EVC2: variants seen among roughly 807,000 people sequenced by gnomAD.
EVC2 encodes the protein limbin.
EVC2 carries 148 observed loss-of-function variants against 149.3 expected under a neutral mutation model. That is an observed-to-expected ratio of 0.99 (90% CI 0.87 to 1.14). The LOEUF (loss-of-function observed/expected upper bound fraction) is 1.14. EVC2 is among the 50% of genes most tolerant of loss of function. The probability of loss-of-function intolerance (pLI) is 0.00; values close to 1 mark genes in which losing one functional copy is unlikely to be tolerated. For synonymous variants in EVC2, 776 were observed against 649.9 expected, an observed-to-expected ratio of 1.19 and a Z score of -2.95; for missense variants, 1,854 against 1,627.3, an observed-to-expected ratio of 1.14 and a Z score of -2.40.
intron 19 of EVC2, among the ~76,000 whole-genome samples, chr4:5,572,446 G>T (rs1722695541): frequency 6.6e-6 from 1 of 152,162 alleles, no homozygotes; most frequent in Non-Finnish European, 1.5e-5. Flanking sequence ...CAGGGAACTA[G>T]CTTAGCCCTT....
chr4:5,598,652 G>C (rs1430063318), intron 16 of EVC2, among the ~76,000 whole-genome samples: 1 of 152,200 alleles, frequency 6.6e-6, no homozygotes, highest in East Asian at 1.9e-4. Flanking sequence ...TCAGGACATA[G>C]GCATGGGCAA....
intron 1 of EVC2, among the ~76,000 whole-genome samples, chr4:5,705,570 CTG>C (rs141227806): frequency 0.034 from 5,189 of 151,806 alleles, 274 homozygotes; most frequent in African/African-American, 0.12. Context: ...TAAACTAAAA[CTG>C]TTTTATTTTC....
At chr4:5,673,589 C>T (rs760417500) in intron 7 of EVC2, among the ~76,000 whole-genome samples, 1 of 152,146 alleles carries the variant, frequency 6.6e-6, no homozygotes, top group African/African-American at 2.4e-5. Context: ...TCCTCACTTT[C>T]CTTCTTGTCT....
At chr4:5,655,570 G>T (rs1280397362) in intron 9 of EVC2, among the ~76,000 whole-genome samples, 1 of 152,126 alleles carries the variant, frequency 6.6e-6, no homozygotes, top group East Asian at 1.9e-4. Flanking sequence ...CAGACATGCT[G>T]GTTGAGGTTC....
At chr4:5,597,110 G>T (rs1713502404) in intron 16 of EVC2, among the ~76,000 whole-genome samples, 1 of 152,188 alleles carries the variant, frequency 6.6e-6, no homozygotes. Flanking sequence ...GGACCAGACG[G>T]ATTCACAGCC....
chr4:5,682,018 T>A (rs1415041150), intron 6 of EVC2, among the ~76,000 whole-genome samples: 3 of 152,196 alleles, frequency 2.0e-5, no homozygotes, highest in Non-Finnish European at 4.4e-5. Flanking sequence ...AGCCTCTCTG[T>A]GCCTCTGTTT....
At chr4:5,533,362 C>T in the EVC2 span, among the ~76,000 whole-genome samples, 1 of 152,182 alleles carries the variant, frequency 6.6e-6, no homozygotes, top group Non-Finnish European at 1.5e-5. Context: ...ACAGTCCTGG[C>T]TGCTCAAGGA....
rs1720754820 is a variant in EVC2 at position 5,686,907 on chromosome 4, T to C, written c.707-1428A>G. ...TGCCCTCAGGGAATGTAGAGCCCAG[T>C]AGGTAGAGCTAAGCATGGGCATAAA... On this transcript the variant is annotated intron_variant, in intron 5 of 21. Transcript: ENST00000344408. This position sits in a 1 kb window ranked among gnomAD's most constrained non-coding sequence, Gnocchi z 5.4. 1.3e-5 allele frequency among the ~76,000 whole-genome samples: 2 copies of C among 151,910 alleles called. No individual in the cohort carries two copies. The highest frequency in any genetic ancestry group is 4.2e-4 in the South Asian group (2 of 4,810).
intron 21 of EVC2, among the ~76,000 whole-genome samples, chr4:5,552,384 G>A (rs185100443): frequency 6.6e-6 from 1 of 152,198 alleles, no homozygotes; most frequent in East Asian, 1.9e-4. Context: ...TTCCTTCCTG[G>A]TGTACCTTTT....
intron 12 of EVC2, among the ~76,000 whole-genome samples, chr4:5,626,424 C>T (rs1716121209): frequency 6.6e-6 from 1 of 151,480 alleles, no homozygotes; most frequent in African/African-American, 2.4e-5. Context: ...ACCTCCGCCC[C>T]TCCAACTTTA....
At chr4:5,634,266 G>T (rs1716747457) in intron 10 of EVC2, among the ~76,000 whole-genome samples, 2 of 152,194 alleles carry the variant, frequency 1.3e-5, no homozygotes, top group African/African-American at 4.8e-5. Context: ...GGTATTCACA[G>T]CTGACTTGAT....
intron 15 of EVC2, among the ~76,000 whole-genome samples, chr4:5,617,326 C>G (rs750089420): frequency 6.6e-6 from 1 of 152,156 alleles, no homozygotes; most frequent in Non-Finnish European, 1.5e-5. Context: ...ACCATATTAC[C>G]TCTTAGCACT....
At chr4:5,645,457 T>C (rs1560191808) in intron 9 of EVC2, among the ~76,000 whole-genome samples, 1 of 152,182 alleles carries the variant, frequency 6.6e-6, no homozygotes, top group Non-Finnish European at 1.5e-5. Flanking sequence ...TTCCCCTCCA[T>C]GTGTACATGT....
At chr4:5,687,458 G>A (rs771941038) in intron 5 of EVC2, among the ~76,000 whole-genome samples, 2 of 152,068 alleles carry the variant, frequency 1.3e-5, no homozygotes, top group Non-Finnish European at 2.9e-5. Flanking sequence ...CAGTGTGCAC[G>A]TGCTAGAGCA....
downstream of EVC2, among the ~76,000 whole-genome samples, chr4:5,542,003 G>A (rs562428435): frequency 3.3e-5 from 5 of 152,308 alleles, no homozygotes; most frequent in East Asian, 7.8e-4. Context: ...GTTAGATCAT[G>A]AGGTTTGGCC....
At chr4:5,692,894 A>AAAAG (rs1560231753) in intron 3 of EVC2, among the ~76,000 whole-genome samples, 3 of 144,164 alleles carry the variant, frequency 2.1e-5, no homozygotes, top group Non-Finnish European at 1.5e-5. Flanking sequence ...AAAAAAAGAA[A>AAAAG]AAAGAAAATT....
chr4:5,563,683 T>C (rs1722091495), intron 21 of EVC2, among the ~76,000 whole-genome samples: 1 of 151,970 alleles, frequency 6.6e-6, no homozygotes, highest in African/African-American at 2.4e-5. Context: ...ATGTTGTTAG[T>C]GTGACATCAG....
At chr4:5,574,888 T>G in intron 18 of EVC2, 116 bp from the exon 19 acceptor site, 1 of 1,087,184 alleles carries the variant, frequency 9.2e-7, no homozygotes, top group Admixed American at 2.0e-5. Context: ...ATTTTAAAAA[T>G]ATGTCCATAG....
the EVC2 span, among the ~76,000 whole-genome samples, chr4:5,535,578 T>C: frequency 7.1e-6 from 1 of 140,670 alleles, no homozygotes; most frequent in African/African-American, 2.8e-5. The surrounding 1 kb of genome is among the most constrained non-coding windows in gnomAD (Gnocchi z 4.7). Flanking sequence ...CACAGCATGG[T>C]CCTTGGTGTG....
Sources: allele counts gnomAD v4.1 joint callset (sites outside exome capture counted in the v4.1 genomes callset), GRCh38; gene constraint gnomAD v4.1.1; non-coding constraint Gnocchi (gnomAD v3.1); transcripts MANE v1.5; gene names NCBI Gene and HGNC (gene_info 2026-07-23, HGNC 2026-07-21).